PDPR: variants seen among roughly 807,000 people sequenced by gnomAD.
The protein encoded by PDPR is pyruvate dehydrogenase phosphatase regulatory subunit, also known as pyruvate dehydrogenase phosphatase regulatory subunit, mitochondrial.
PDPR carries 50 observed loss-of-function variants against 102.2 expected under a neutral mutation model. That is an observed-to-expected ratio of 0.49 (90% CI 0.39 to 0.62). The LOEUF is 0.62. PDPR is among the 20% of genes least tolerant of loss of function. The probability of loss-of-function intolerance (pLI) is 0.00; values close to 1 mark genes in which losing one functional copy is unlikely to be tolerated. For synonymous variants in PDPR, 259 were observed against 406.0 expected (o/e 0.64, Z 4.35); for missense variants, 625 against 1,098.2 (o/e 0.57, Z 6.09).
chr16:70,153,969 G>C (rs1597382455), intron 18 of PDPR, among the ~76,000 whole-genome samples: 2 of 152,294 alleles, frequency 1.3e-5, no homozygotes. Flanking sequence ...CACAAGTTCA[G>C]GAGATCGAGA....
intron 10 of PDPR, among the ~76,000 whole-genome samples, chr16:70,136,675 CATTTGAGTGTGT>C (rs1259279036): frequency 6.6e-6 from 1 of 152,146 alleles, no homozygotes; most frequent in Non-Finnish European, 1.5e-5. Flanking sequence ...AAATATTGGT[CATTTGAGTGTGT>C]ATTTGAGTTT....
At chr16:70,151,104 T>C (rs554643051) in intron 17 of PDPR, among the ~76,000 whole-genome samples, 1 of 152,372 alleles carries the variant, frequency 6.6e-6, no homozygotes, top group African/African-American at 2.4e-5. Context: ...TCGGCTAATT[T>C]TTTGTATTTT....
chr16:70,139,718 C>T (rs1381952735), intron 11 of PDPR, among the ~76,000 whole-genome samples: 6 of 152,192 alleles, frequency 3.9e-5, no homozygotes, highest in African/African-American at 1.4e-4. Context: ...GGAATTGAAC[C>T]AAACCACGTG....
rs1339340561 is a variant in PDPR, at chr16:70,156,878, G to A, written c.2639G>A (p.Ter880=). The part of the protein sequence containing the change: ...DMELSDLHGK[*] ...GAGCTGAGTGACTTACATGGGAAGTGATGCCACCAGGGCAGCCTCACCTCC... is the reference window on the plus strand; with the variant it reads ...GAGCTGAGTGACTTACATGGGAAGTAATGCCACCAGGGCAGCCTCACCTCC... Residue 880 remains the stop codon, a stop_retained_variant, in exon 19 of 19, where the codon TGA becomes TAA. Coordinates refer to ENST00000288050, the MANE Select transcript of PDPR (RefSeq NM_017990.5). 1 of 1,613,008 alleles carries A rather than the reference G, an allele frequency of 6.2e-7. No homozygotes were observed. Among genetic ancestry groups the A allele is most frequent in the Admixed American group, 1.7e-5 (1 of 59,802 alleles).
intron 17 of PDPR, among the ~76,000 whole-genome samples, chr16:70,151,047 G>T (rs1209033368): frequency 6.6e-6 from 1 of 152,254 alleles, no homozygotes; most frequent in Admixed American, 6.5e-5. Flanking sequence ...CGATTCTCCT[G>T]CCTCAGCCTC....
rs1441565142 is a variant in PDPR, at chr16:70,161,710, T to G, written c.*4831T>G. The stretch of plus-strand genomic sequence containing the variant: ...ACTTTTCAAGACAACTGAGTATTTT[T>G]GTATGCCTTTGCCTTCCCTTTGTCC... On this transcript the variant is annotated 3_prime_UTR_variant, in exon 19 of 19. Coordinates refer to ENST00000288050, the MANE Select transcript of PDPR (RefSeq NM_017990.5). 1 of 152,736 alleles carries G rather than the reference T, an allele frequency of 6.5e-6. No homozygotes were observed. Among genetic ancestry groups the G allele is most frequent in the Non-Finnish European group, 1.5e-5 (1 of 68,334 alleles). The allele number at this position is 152,736 out of a possible 1,614,324, so 9.5% of individuals were successfully genotyped here.
chr16:70,156,661 C>T lies in PDPR; in HGVS notation c.2422C>T (p.Leu808=), dbSNP rs755671322. ...KTTSSAYSYS[L]ERHVCLGFVH... is the part of the protein sequence containing the mutation. ...CACCAGCAGTGCCTACAGCTACAGC[C>T]TGGAGCGCCACGTTTGCCTGGGCTT... is the stretch of plus-strand genomic sequence containing the variant. The change falls in exon 19 of 19, where the codon CTG becomes TTG. Residue 808 remains leucine (L), a synonymous_variant. Coordinates refer to ENST00000288050, the MANE Select transcript of PDPR (RefSeq NM_017990.5). The T allele has an allele frequency of 1.1e-5, 17 of 1,613,948 alleles. No individual in the cohort carries two copies. The highest frequency in any genetic ancestry group is 1.2e-5 in the Non-Finnish European group (14 of 1,179,910).
intron 18 of PDPR, 29 bp from the exon 19 acceptor site, chr16:70,156,446 G>T: frequency 6.2e-7 from 1 of 1,609,404 alleles, no homozygotes; most frequent in South Asian, 1.1e-5. Flanking sequence ...AGTGTCGCTG[G>T]ATGACTCGGC....
At chr16:70,139,148 T>A (rs2152097604) in intron 11 of PDPR, 125 bp downstream of exon 11, 3 of 1,495,548 alleles carry the variant, frequency 2.0e-6, no homozygotes, top group Non-Finnish European at 1.8e-6. Flanking sequence ...GGCATTTGAT[T>A]TGACTGTTTC....
At position 70,148,633 on chromosome 16, in the gene PDPR, T is replaced by C; in HGVS notation, c.2052+80T>C. 4 of 1,321,992 alleles carry C rather than the reference T, an allele frequency of 3.0e-6. No individual in the cohort carries two copies. In the South Asian group the frequency reaches 5.1e-5, roughly 17 times the overall value. 81.9% of individuals were successfully genotyped at this position (1,321,992 alleles called of 1,614,324 possible). A position where few individuals can be genotyped will look rare whatever the true frequency, so the allele number is the denominator to read the frequency against. ...TTCCCTTCCCACAACCACTGTGGGG[T>C]GCCAGTGCTCCCAGCAGCGCGTTCA... is the stretch of plus-strand genomic sequence containing the variant. On this transcript the variant is annotated intron_variant, in intron 17 of 18. Coordinates refer to ENST00000288050, the MANE Select transcript of PDPR (RefSeq NM_017990.5).
rs143847995 is a variant in PDPR, at chr16:70,156,917, G to T, written c.*38G>T. The T allele has an allele frequency of 4.3e-5, 69 of 1,602,230 alleles. No individual in the cohort carries two copies. In the East Asian group the frequency reaches 1.5e-3, roughly 35 times the overall value. On this transcript the variant is annotated 3_prime_UTR_variant, in exon 19 of 19. Transcript: ENST00000288050. The stretch of plus-strand genomic sequence containing the variant: ...AGCCTCACCTCCTCCCCATCATCTT[G>T]TCCTAGAGTGGGCGTCACCTTGGAG...
Position 70,156,426 on chromosome 16 carries a change from C to T in PDPR, c.2236-49C>T, listed in dbSNP as rs149066823. On this transcript the variant is annotated intron_variant, in intron 18 of 18. Coordinates refer to ENST00000288050, the MANE Select transcript of PDPR (RefSeq NM_017990.5). The stretch of plus-strand genomic sequence containing the variant: ...CTTCCCACGGTGCTGCTCTCTGTGC[C>T]GAGGGTCTGAGTGTCGCTGGATGAC... 2.1e-3 allele frequency: 3,288 copies of T among 1,597,244 alleles called. 12 individuals are homozygous for T. In the African/African-American group the frequency reaches 0.038, roughly 18 times the overall value.
At chr16:70,123,409 TG>T (rs1425745689) in intron 3 of PDPR, among the ~76,000 whole-genome samples, 1 of 152,172 alleles carries the variant, frequency 6.6e-6, no homozygotes, top group African/African-American at 2.4e-5. Flanking sequence ...GCTAATTTTT[TG>T]TTTTTTTGGT....
At chr16:70,141,845 A>G (rs550401473) in intron 11 of PDPR, among the ~76,000 whole-genome samples, 1 of 152,396 alleles carries the variant, frequency 6.6e-6, no homozygotes, top group African/African-American at 2.4e-5. Context: ...CACGCCTGTA[A>G]TCCCAGCACT....
chr16:70,135,433 C>T (rs1228143893), intron 9 of PDPR, among the ~76,000 whole-genome samples: 20 of 152,350 alleles, frequency 1.3e-4, no homozygotes, highest in African/African-American at 3.1e-4. Flanking sequence ...GACGAGGCTT[C>T]GCCATTTTGG....
rs1243127176 is a variant in PDPR, at chr16:70,161,304, AAGAT to A, written c.*4429_*4432del. 5.9e-5 allele frequency: 9 copies of A among 152,406 alleles called. No individual in the cohort carries two copies. Among genetic ancestry groups the A allele is most frequent in the African/African-American group, 1.2e-4 (5 of 41,338 alleles). 9.4% of individuals were successfully genotyped at this position (152,406 alleles called of 1,614,324 possible). ...CTCAAAAAAAAAAAAAAAAAAATCT[AAGAT>A]AGAGGTTTGGTCAACAGTGCTTAAT... On this transcript the variant is annotated 3_prime_UTR_variant, in exon 19 of 19. Transcript: ENST00000288050.
chr16:70,137,437 G>A (rs867101430), intron 10 of PDPR, among the ~76,000 whole-genome samples: 44 of 152,356 alleles, frequency 2.9e-4, no homozygotes, highest in African/African-American at 9.9e-4. Flanking sequence ...ATACCGTGTG[G>A]TTCCACTTAT....
chr16:70,156,241 A>G (rs1157950806), intron 18 of PDPR: 20 of 568,398 alleles, frequency 3.5e-5, no homozygotes, highest in Non-Finnish European at 6.1e-5. Context: ...TTTATAAAAT[A>G]GGAAACAAAA....
chr16:70,152,743 G>T (rs1167610058), intron 17 of PDPR, among the ~76,000 whole-genome samples: 1 of 152,286 alleles, frequency 6.6e-6, no homozygotes. Context: ...AACAGCGTAT[G>T]TTCAGACAGG....
Sources: allele counts gnomAD v4.1 joint callset (sites outside exome capture counted in the v4.1 genomes callset), GRCh38; gene constraint gnomAD v4.1.1; transcripts MANE v1.5; gene names NCBI Gene and HGNC (gene_info 2026-07-23, HGNC 2026-07-21).